Variants in MAPRE2 observed in about 807,000 individuals in gnomAD.
The protein encoded by MAPRE2 is microtubule associated protein RP/EB family member 2.
A neutral mutation model predicts 43.2 loss-of-function variants in MAPRE2; 13 were observed. That is an observed-to-expected ratio of 0.30 (90% CI 0.20 to 0.48). The LOEUF (loss-of-function observed/expected upper bound fraction) is 0.48. MAPRE2 is among the 20% of genes least tolerant of loss of function. The pLI, the probability that MAPRE2 is intolerant of heterozygous loss-of-function variation, is 0.99. For missense variants in MAPRE2, 161 were observed against 400.2 expected, an observed-to-expected ratio of 0.40 and a Z score of 5.10; for synonymous variants, 135 against 148.8, an observed-to-expected ratio of 0.91 and a Z score of 0.68.
chr18:35,000,083 A>G (rs2097028557), intron 1 of MAPRE2, among the ~76,000 whole-genome samples: 1 of 152,082 alleles, frequency 6.6e-6, no homozygotes, highest in Non-Finnish European at 1.5e-5. Context: ...TCCCACACTA[A>G]AGAATGTGAT....
intron 1 of MAPRE2, among the ~76,000 whole-genome samples, chr18:35,046,963 G>C (rs1158604279): frequency 1.3e-5 from 2 of 152,150 alleles, no homozygotes; most frequent in Non-Finnish European, 2.9e-5. Flanking sequence ...CCCAAACAAT[G>C]AACCAGGTTT....
In MAPRE2 at chr18:35,017,173, T is replaced by A. The variant is rs1013587639; in HGVS notation, c.-8+11620T>A. Among the ~76,000 whole-genome samples the A allele has an allele frequency of 6.6e-5, 10 of 151,866 alleles. 1 individual carries two copies. The highest frequency in any genetic ancestry group is 1.5e-5 in the Non-Finnish European group (1 of 67,946). ...GCCTGTGTGTCTGTTTTTGTACATG[T>A]ACCATGTTCCTTTGGTCTGTATATA... On this transcript the variant is annotated intron_variant, in intron 2 of 7. Coordinates refer to the MAPRE2 transcript ENST00000413393.
intron 1 of MAPRE2, among the ~76,000 whole-genome samples, chr18:35,051,875 G>A (rs1905955801): frequency 6.6e-6 from 1 of 152,208 alleles, no homozygotes; most frequent in Non-Finnish European, 1.5e-5. Flanking sequence ...CTGGTGCAAA[G>A]TAAATGCCTC....
intron 1 of MAPRE2, among the ~76,000 whole-genome samples, chr18:34,993,151 T>A (rs570778487): frequency 6.6e-6 from 1 of 152,074 alleles, no homozygotes; most frequent in East Asian, 1.9e-4. Context: ...CTTGCTCAGA[T>A]TGGATTGCAG....
intron 1 of MAPRE2, among the ~76,000 whole-genome samples, chr18:34,998,501 A>T (rs980578762): frequency 6.6e-6 from 1 of 151,436 alleles, no homozygotes; most frequent in Non-Finnish European, 1.5e-5. Context: ...TAATTTTTTT[A>T]TATTTTTAGT....
At chr18:35,000,648 C>T (rs2097028851) in intron 1 of MAPRE2, among the ~76,000 whole-genome samples, 1 of 152,124 alleles carries the variant, frequency 6.6e-6, no homozygotes, top group Non-Finnish European at 1.5e-5. Context: ...AGTCATGACT[C>T]TTATCCTAAC....
At chr18:35,131,533 A>G (rs1910145009) in intron 5 of MAPRE2, among the ~76,000 whole-genome samples, 1 of 152,098 alleles carries the variant, frequency 6.6e-6, no homozygotes, top group African/African-American at 2.4e-5. Context: ...AAGGATGAAT[A>G]AGCTCGATTG....
At chr18:35,014,502 A>G (rs2097036914) in intron 2 of MAPRE2, among the ~76,000 whole-genome samples, 1 of 151,940 alleles carries the variant, frequency 6.6e-6, no homozygotes, top group African/African-American at 2.4e-5. Context: ...ATTGATCATG[A>G]GGGTGACACA....
intron 1 of MAPRE2, among the ~76,000 whole-genome samples, chr18:35,055,915 A>G (rs1428542864): frequency 6.6e-6 from 1 of 151,692 alleles, no homozygotes; most frequent in South Asian, 2.1e-4. Context: ...AGATCATGCA[A>G]CTGCACTGCA....
intron 1 of MAPRE2, among the ~76,000 whole-genome samples, chr18:34,986,373 C>A (rs2097021017): frequency 6.6e-6 from 1 of 152,112 alleles, no homozygotes; most frequent in African/African-American, 2.4e-5. Context: ...TACCAAGAAA[C>A]TACTATCTTA....
At chr18:35,088,093 G>A (rs984469907) in intron 2 of MAPRE2, among the ~76,000 whole-genome samples, 99 of 152,152 alleles carry the variant, frequency 6.5e-4, no homozygotes, top group African/African-American at 2.1e-3. Flanking sequence ...CATCACAATG[G>A]CAAATAAATT....
intron 2 of MAPRE2, among the ~76,000 whole-genome samples, chr18:35,083,800 G>T (rs1027417535): frequency 6.6e-6 from 1 of 152,080 alleles, no homozygotes; most frequent in African/African-American, 2.4e-5. Flanking sequence ...TATTTTACTT[G>T]CCAGTAAAAT....
intron 4 of MAPRE2, among the ~76,000 whole-genome samples, chr18:35,103,679 A>G (rs1370184511): frequency 6.6e-6 from 1 of 152,194 alleles, no homozygotes. Context: ...TTACTGGTTG[A>G]GTAGAAGAGG....
intron 3 of MAPRE2, among the ~76,000 whole-genome samples, chr18:35,101,282 G>A (rs1469044317): frequency 1.3e-5 from 2 of 152,030 alleles, no homozygotes; most frequent in South Asian, 2.1e-4. Flanking sequence ...TATGTACATA[G>A]TAGGTGTGTA....
At chr18:34,996,146 T>G (rs565695459) in intron 1 of MAPRE2, among the ~76,000 whole-genome samples, 5 of 152,314 alleles carry the variant, frequency 3.3e-5, no homozygotes, top group Non-Finnish European at 5.9e-5. Flanking sequence ...TTTCCACCCC[T>G]GCTGTCAATA....
chr18:35,130,844 C>T (rs1379506381), intron 5 of MAPRE2, among the ~76,000 whole-genome samples: 1 of 152,156 alleles, frequency 6.6e-6, no homozygotes, highest in African/African-American at 2.4e-5. Context: ...CTAGTCACAA[C>T]CCCGTGAGGG....
intron 1 of MAPRE2, among the ~76,000 whole-genome samples, chr18:35,061,479 C>T (rs565697551): frequency 5.3e-4 from 81 of 152,256 alleles, no homozygotes; most frequent in South Asian, 3.7e-3. Context: ...TGGAGAGGCC[C>T]GGCCGCAGGG....
intron 2 of MAPRE2, among the ~76,000 whole-genome samples, chr18:35,016,178 C>G (rs571805449): frequency 6.6e-6 from 1 of 151,922 alleles, no homozygotes; most frequent in Non-Finnish European, 1.5e-5. Flanking sequence ...ATATATACCA[C>G]ATCTTCTTTA....
chr18:34,993,981 G>A (rs1359371316), intron 1 of MAPRE2, among the ~76,000 whole-genome samples: 5 of 147,510 alleles, frequency 3.4e-5, no homozygotes, highest in Non-Finnish European at 7.4e-5. Context: ...AAAAACTGAG[G>A]CATGGATTTT....
Sources: gnomAD v4.1 joint callset for allele counts (sites outside exome capture counted in the v4.1 genomes callset) on GRCh38, gnomAD v4.1.1 for gene constraint, MANE v1.5 for transcripts, NCBI Gene and HGNC (gene_info 2026-07-23, HGNC 2026-07-21) for gene names.